The following LDB2 variants were observed in gnomAD, a reference collection of about 807,000 sequenced individuals.
LDB2 encodes the protein LIM domain binding 2, also known as LIM domain-binding protein 2.
In LDB2, 12 loss-of-function variants were observed where a neutral mutation model predicts 44.3. The observed-to-expected ratio is 0.27, with a 90% CI of 0.17 to 0.44. The LOEUF is 0.44. LDB2 is among the 20% of genes least tolerant of loss of function. The probability of loss-of-function intolerance (pLI) is 1.00; values close to 1 mark genes in which losing one functional copy is unlikely to be tolerated. For synonymous variants in LDB2, 164 were observed against 174.8 expected (o/e 0.94, Z 0.49); for missense variants, 344 against 473.5 (o/e 0.73, Z 2.54).
intron 2 of LDB2, among the ~76,000 whole-genome samples, chr4:16,620,629 A>T (rs776577931): frequency 1.3e-5 from 2 of 152,168 alleles, no homozygotes; most frequent in Non-Finnish European, 2.9e-5. Context: ...AGGGTGATGA[A>T]ATCTTATCAG....
At chr4:16,564,404 T>C (rs551790933) in intron 5 of LDB2, among the ~76,000 whole-genome samples, 28 of 152,120 alleles carry the variant, frequency 1.8e-4, no homozygotes, top group Admixed American at 3.3e-4. Context: ...TACAGCTCAA[T>C]GCCTCCTTCC....
At chr4:16,807,614 T>C (rs1259479027) in intron 1 of LDB2, among the ~76,000 whole-genome samples, 2 of 152,216 alleles carry the variant, frequency 1.3e-5, no homozygotes, top group Non-Finnish European at 2.9e-5. Flanking sequence ...AATGAGCTAT[T>C]TCATTTGCTA....
At chr4:16,675,537 A>G (rs1746055878) in intron 2 of LDB2, among the ~76,000 whole-genome samples, 1 of 151,926 alleles carries the variant, frequency 6.6e-6, no homozygotes, top group Non-Finnish European at 1.5e-5. Flanking sequence ...CTCATGGGAA[A>G]GGCAGGGATA....
intron 2 of LDB2, among the ~76,000 whole-genome samples, chr4:16,633,532 A>T (rs796861585): frequency 9.2e-5 from 14 of 152,176 alleles, no homozygotes; most frequent in African/African-American, 3.4e-4. Context: ...AGAGAAAAAA[A>T]TACCTAGGAA....
intron 2 of LDB2, among the ~76,000 whole-genome samples, chr4:16,699,656 T>C (rs917196195): frequency 6.6e-6 from 1 of 152,088 alleles, no homozygotes; most frequent in Non-Finnish European, 1.5e-5. Flanking sequence ...AGGCAATAAT[T>C]GCAACTTTCA....
intron 3 of LDB2, among the ~76,000 whole-genome samples, chr4:16,592,365 A>G (rs1719293831): frequency 1.3e-5 from 2 of 151,680 alleles, no homozygotes; most frequent in Admixed American, 6.6e-5. Flanking sequence ...TTGGAACAGC[A>G]TGCATGGAGT....
intron 1 of LDB2, among the ~76,000 whole-genome samples, chr4:16,802,434 ACTC>A (rs140846628): frequency 0.011 from 1,647 of 152,150 alleles, 40 homozygotes; most frequent in African/African-American, 0.038. Context: ...CTGGGGAAGA[ACTC>A]CTATGGATGG....
At chr4:16,591,665 A>G (rs796987346) in intron 3 of LDB2, among the ~76,000 whole-genome samples, 2 of 152,342 alleles carry the variant, frequency 1.3e-5, no homozygotes, top group African/African-American at 4.8e-5. Context: ...AATTAAAGGA[A>G]ACCAAAGGCT....
intron 1 of LDB2, among the ~76,000 whole-genome samples, chr4:16,876,871 C>T (rs1024555362): frequency 4.0e-5 from 6 of 151,372 alleles, no homozygotes; most frequent in African/African-American, 7.3e-5. Context: ...ACCATTGATT[C>T]AGTGAAAATT....
chr4:16,586,035 T>C, intron 4 of LDB2, 30 bp from the exon 5 acceptor site: 1 of 1,538,474 alleles, frequency 6.5e-7, no homozygotes, highest in Non-Finnish European at 9.0e-7. Context: ...CACATGTATT[T>C]TATCACTACA....
chr4:16,644,920 T>C (rs1736270254), intron 2 of LDB2, among the ~76,000 whole-genome samples: 1 of 152,220 alleles, frequency 6.6e-6, no homozygotes, highest in East Asian at 1.9e-4. Context: ...CCTGTTACTA[T>C]TCTAGGTATC....
intron 2 of LDB2, among the ~76,000 whole-genome samples, chr4:16,753,159 C>T (rs1427135301): frequency 1.3e-5 from 2 of 152,222 alleles, no homozygotes; most frequent in Non-Finnish European, 2.9e-5. Context: ...GGCCACATTC[C>T]TGCCATAGTA....
intron 2 of LDB2, among the ~76,000 whole-genome samples, chr4:16,677,468 G>A (rs1746628783): frequency 1.3e-5 from 2 of 152,180 alleles, no homozygotes; most frequent in Admixed American, 1.3e-4. Context: ...GTGACCAGAG[G>A]TAGGTAACAC....
chr4:16,655,007 G>C (rs754008492), intron 2 of LDB2, among the ~76,000 whole-genome samples: 14 of 152,156 alleles, frequency 9.2e-5, no homozygotes, highest in Non-Finnish European at 1.5e-4. Context: ...TAGGGTTTAA[G>C]GACGTTTTGA....
chr4:16,782,205 G>T (rs191853237), intron 1 of LDB2, among the ~76,000 whole-genome samples: 1 of 152,090 alleles, frequency 6.6e-6, no homozygotes, highest in East Asian at 1.9e-4. Flanking sequence ...ACATCAGGCC[G>T]CAATGCTGCT....
At chr4:16,514,835 A>T (rs1422800961) in intron 5 of LDB2, among the ~76,000 whole-genome samples, 1 of 152,188 alleles carries the variant, frequency 6.6e-6, no homozygotes, top group Non-Finnish European at 1.5e-5. Context: ...AAAACCTGTG[A>T]AAAAGGCAAG....
At chr4:16,503,195 T>C (rs566382546) in intron 7 of LDB2, 19 of 1,505,902 alleles carry the variant, frequency 1.3e-5, no homozygotes, top group Admixed American at 5.9e-5. Context: ...CTTGCCGACA[T>C]TGGGGACTTT....
chr4:16,833,542 CTCT>C (rs1784388083), intron 1 of LDB2, among the ~76,000 whole-genome samples: 1 of 125,602 alleles, frequency 8.0e-6, no homozygotes, highest in Non-Finnish European at 1.7e-5. Context: ...CAATCTTTTC[CTCT>C]TTTTTTTTTT....
At chr4:16,604,765 T>C (rs1723480930) in intron 2 of LDB2, among the ~76,000 whole-genome samples, 2 of 152,144 alleles carry the variant, frequency 1.3e-5, no homozygotes, top group South Asian at 4.1e-4. Context: ...TTTGACTGTA[T>C]GCCTTTTCAG....
Sources: allele counts gnomAD v4.1 joint callset (sites outside exome capture counted in the v4.1 genomes callset), GRCh38; gene constraint gnomAD v4.1.1; transcripts MANE v1.5; gene names NCBI Gene and HGNC (gene_info 2026-07-23, HGNC 2026-07-21).